The following CAMKMT variants were observed in gnomAD, a reference collection of about 807,000 sequenced individuals.
CAMKMT encodes the protein CaM KMT.
Under a neutral mutation model 48.0 loss-of-function variants are expected in CAMKMT, and 53 were observed. That is an observed-to-expected ratio of 1.10 (90% CI 0.89 to 1.39). CAMKMT has a LOEUF of 1.39. Among genes scored for constraint, CAMKMT ranks in the 40% most tolerant of loss-of-function variants. CAMKMT has a pLI of 0.00. For missense variants in CAMKMT, 428 were observed against 402.7 expected (o/e 1.06, Z -0.54); for synonymous variants, 165 against 152.3 (o/e 1.08, Z -0.61).
chr2:44,669,826 C>T (rs560275580), intron 3 of CAMKMT, among the ~76,000 whole-genome samples: 4 of 151,892 alleles, frequency 2.6e-5, no homozygotes, highest in South Asian at 4.2e-4. Context: ...TTTGTAGAGA[C>T]GAAGTTTCAC....
At position 44,667,267 on chromosome 2, in the gene CAMKMT, T is replaced by C. The variant is rs529221987; in HGVS notation, c.377-37016T>C. 2.1e-4 allele frequency among the ~76,000 whole-genome samples: 32 copies of C among 152,328 alleles called. No homozygotes were observed. The South Asian group carries it at 6.4e-3, about 31-fold the overall frequency. ...TTTCCTATCTTCCCATAAGGGACTATGTTGACTCATTCCATCCACCCCGTG... is the reference window on the plus strand; with the variant it reads ...TTTCCTATCTTCCCATAAGGGACTACGTTGACTCATTCCATCCACCCCGTG... On this transcript the variant is annotated intron_variant, in intron 3 of 10. Transcript: ENST00000378494.
intron 3 of CAMKMT, among the ~76,000 whole-genome samples, chr2:44,426,370 T>C (rs1684276861): frequency 6.6e-6 from 1 of 152,134 alleles, no homozygotes; most frequent in African/African-American, 2.4e-5. Flanking sequence ...AGAAAAGGCA[T>C]ATAGATGGGA....
intron 3 of CAMKMT, among the ~76,000 whole-genome samples, chr2:44,665,775 A>G (rs1219482125): frequency 2.0e-5 from 3 of 152,336 alleles, no homozygotes; most frequent in Non-Finnish European, 4.4e-5. Flanking sequence ...GAGTGAATGA[A>G]TTAGTCAAGG....
At chr2:44,649,821 G>T (rs1173105656) in intron 3 of CAMKMT, among the ~76,000 whole-genome samples, 1 of 152,188 alleles carries the variant, frequency 6.6e-6, no homozygotes, top group East Asian at 1.9e-4. Flanking sequence ...TGTACCTTTA[G>T]CCAAGGCCTT....
intron 3 of CAMKMT, among the ~76,000 whole-genome samples, chr2:44,500,579 C>T (rs1329341364): frequency 6.6e-6 from 1 of 151,506 alleles, no homozygotes; most frequent in African/African-American, 2.4e-5. Flanking sequence ...AAAATTTGAC[C>T]CAAGTTATTA....
intron 3 of CAMKMT, among the ~76,000 whole-genome samples, chr2:44,563,922 G>C (rs891821911): frequency 6.6e-5 from 10 of 152,094 alleles, no homozygotes; most frequent in Admixed American, 6.5e-4. Context: ...TGTGAATAGT[G>C]CCGCAATGAA....
intron 3 of CAMKMT, among the ~76,000 whole-genome samples, chr2:44,543,143 G>A (rs373333534): frequency 6.6e-6 from 1 of 152,114 alleles, no homozygotes; most frequent in African/African-American, 2.4e-5. Context: ...ATGCTTTGAA[G>A]CAACTGGGGC....
intron 3 of CAMKMT, among the ~76,000 whole-genome samples, chr2:44,647,247 T>A (rs1673785651): frequency 6.6e-6 from 1 of 152,236 alleles, no homozygotes; most frequent in Non-Finnish European, 1.5e-5. Context: ...AATTCTACTG[T>A]TCTCACTTTT....
At chr2:44,641,971 C>A (rs1673475457) in intron 3 of CAMKMT, among the ~76,000 whole-genome samples, 1 of 152,200 alleles carries the variant, frequency 6.6e-6, no homozygotes, top group South Asian at 2.1e-4. Context: ...TGTCTTCACC[C>A]ATCTTGCCAC....
intron 3 of CAMKMT, among the ~76,000 whole-genome samples, chr2:44,494,253 T>A (rs1287986512): frequency 6.6e-6 from 1 of 152,218 alleles, no homozygotes; most frequent in Non-Finnish European, 1.5e-5. Flanking sequence ...GGAGGTACTG[T>A]ATACAACAAG....
At chr2:44,428,938 A>G (rs1006217601) in intron 3 of CAMKMT, among the ~76,000 whole-genome samples, 3 of 152,186 alleles carry the variant, frequency 2.0e-5, no homozygotes, top group African/African-American at 7.2e-5. Context: ...ACAGAGCAAG[A>G]AGTTATTTTG....
intron 1 of CAMKMT, 84 bp downstream of exon 1, chr2:44,362,229 C>T: frequency 4.0e-6 from 5 of 1,241,196 alleles, no homozygotes; most frequent in East Asian, 3.2e-5. Context: ...GCAGTTCTTT[C>T]CTCTTGGCAG....
chr2:44,695,825 G>A (rs776084281), intron 3 of CAMKMT, among the ~76,000 whole-genome samples: 3 of 151,964 alleles, frequency 2.0e-5, no homozygotes, highest in South Asian at 4.2e-4. Flanking sequence ...CTCGGAAATC[G>A]GTGGCATCAG....
chr2:44,552,176 T>G (rs1269312992), intron 3 of CAMKMT, among the ~76,000 whole-genome samples: 2 of 152,112 alleles, frequency 1.3e-5, no homozygotes, highest in East Asian at 3.9e-4. Flanking sequence ...TTCCACTCTA[T>G]GCCCATAGGT....
chr2:44,595,563 A>C (rs554184727), intron 3 of CAMKMT, among the ~76,000 whole-genome samples: 1 of 152,358 alleles, frequency 6.6e-6, no homozygotes, highest in South Asian at 2.1e-4. Flanking sequence ...GAAAATGACC[A>C]TACTGCCCAA....
chr2:44,403,259 C>CTCAGTTACTCAACCCCCTGAT (rs1255144105), intron 3 of CAMKMT, among the ~76,000 whole-genome samples: 1 of 152,086 alleles, frequency 6.6e-6, no homozygotes, highest in Non-Finnish European at 1.5e-5. Context: ...AAGAAGAGTC[C>CTCAGTTACTCAACCCCCTGAT]TCAGTTACTC....
chr2:44,376,796 A>G (rs1440819489), intron 2 of CAMKMT, among the ~76,000 whole-genome samples: 1 of 152,176 alleles, frequency 6.6e-6, no homozygotes, highest in Non-Finnish European at 1.5e-5. Context: ...AAATGAAGGA[A>G]TAATTTTCCC....
At chr2:44,551,553 C>T (rs186644182) in intron 3 of CAMKMT, among the ~76,000 whole-genome samples, 2 of 152,252 alleles carry the variant, frequency 1.3e-5, no homozygotes, top group East Asian at 3.9e-4. Context: ...AGGGAGAGTT[C>T]CCAACAAAAA....
At chr2:44,562,447 A>C (rs1012174342) in intron 3 of CAMKMT, among the ~76,000 whole-genome samples, 3 of 152,154 alleles carry the variant, frequency 2.0e-5, no homozygotes, top group Non-Finnish European at 4.4e-5. Flanking sequence ...AATTCACACA[A>C]CATCCCTGGG....
Sources: allele counts gnomAD v4.1 joint callset (sites outside exome capture counted in the v4.1 genomes callset), GRCh38; gene constraint gnomAD v4.1.1; transcripts MANE v1.5; gene names NCBI Gene and HGNC (gene_info 2026-07-23, HGNC 2026-07-21).